ULK4: variants seen among roughly 807,000 people sequenced by gnomAD.
The protein encoded by ULK4 is unc-51 like kinase 4.
ULK4 carries 133 observed loss-of-function variants against 160.6 expected under a neutral mutation model. That is an observed-to-expected ratio of 0.83 (90% CI 0.72 to 0.96). The LOEUF is 0.96. ULK4 is among the 40% of genes least tolerant of loss of function. ULK4 has a pLI of 0.00. For synonymous variants in ULK4, 534 were observed against 539.8 expected (o/e 0.99, Z 0.15); for missense variants, 1,580 against 1,499.5 (o/e 1.05, Z -0.89).
At chr3:41,449,760 GTGTTT>G (rs1388974610) in intron 34 of ULK4, among the ~76,000 whole-genome samples, 1 of 151,672 alleles carries the variant, frequency 6.6e-6, no homozygotes, top group African/African-American at 2.4e-5. Flanking sequence ...TTTCTACATT[GTGTTT>G]TATTTTTAAT....
chr3:41,292,561 T>C (rs1489444118), intron 35 of ULK4, among the ~76,000 whole-genome samples: 1 of 151,314 alleles, frequency 6.6e-6, no homozygotes, highest in East Asian at 2.0e-4. Flanking sequence ...TAGGGAGAAC[T>C]GCTTGAACCC....
intron 35 of ULK4, among the ~76,000 whole-genome samples, chr3:41,325,602 T>C (rs149562680): frequency 0.013 from 1,999 of 152,252 alleles, 32 homozygotes; most frequent in African/African-American, 0.045. Flanking sequence ...AATAAAAGGA[T>C]GGATTTTATT....
At chr3:41,859,824 ATT>A (rs397875093) in intron 17 of ULK4, among the ~76,000 whole-genome samples, 4,835 of 115,824 alleles carry the variant, frequency 0.042, 306 homozygotes, top group African/African-American at 0.16. Context: ...TGCCTGGCTA[ATT>A]TTTTTTTTTT....
At chr3:41,279,275 A>G (rs2079302587) in intron 35 of ULK4, among the ~76,000 whole-genome samples, 1 of 139,008 alleles carries the variant, frequency 7.2e-6, no homozygotes, top group Admixed American at 7.0e-5. Context: ...AAAAAAAAAA[A>G]CAAAACGACA....
intron 35 of ULK4, among the ~76,000 whole-genome samples, chr3:41,359,103 C>T (rs898695120): frequency 3.3e-5 from 5 of 152,184 alleles, no homozygotes; most frequent in Non-Finnish European, 5.9e-5. Flanking sequence ...ACTGAAGAAG[C>T]AGGACTTGCT....
At chr3:41,879,189 C>G (rs1169439644) in intron 17 of ULK4, among the ~76,000 whole-genome samples, 2 of 152,090 alleles carry the variant, frequency 1.3e-5, no homozygotes, top group East Asian at 1.9e-4. Flanking sequence ...CCAAGAAAAT[C>G]TGAACACTAA....
intron 21 of ULK4, among the ~76,000 whole-genome samples, chr3:41,782,108 C>T (rs1210874087): frequency 6.6e-6 from 1 of 151,464 alleles, no homozygotes; most frequent in Admixed American, 6.6e-5. Context: ...CGCCATTATT[C>T]TCACAGTAAC....
intron 34 of ULK4, among the ~76,000 whole-genome samples, chr3:41,449,419 C>T (rs2083376436): frequency 6.6e-6 from 1 of 152,092 alleles, no homozygotes. Flanking sequence ...GTCCAGAAGG[C>T]AGATGGGCGG....
At chr3:41,623,228 A>T (rs1396070351) in intron 30 of ULK4, among the ~76,000 whole-genome samples, 1 of 152,230 alleles carries the variant, frequency 6.6e-6, no homozygotes, top group Non-Finnish European at 1.5e-5. Context: ...AGGGAATTTT[A>T]ACATCTGGCC....
rs184229222 is a variant in ULK4 at position 41,796,891 on chromosome 3, C to T, written c.2010+3241G>A. On this transcript the variant is annotated intron_variant, in intron 20 of 36. Transcript: ENST00000301831. ...GGAAAAGCACAAAAGGAGCCCAGAA[C>T]GGTACGTGGTATCAGGAGTTAAGGA... 2.4e-3 allele frequency among the ~76,000 whole-genome samples: 367 copies of T among 152,156 alleles called. 1 individual carries two copies. Among genetic ancestry groups the T allele is most frequent in the African/African-American group, 7.8e-3 (325 of 41,522 alleles).
At chr3:41,335,953 T>C (rs1440114656) in intron 35 of ULK4, among the ~76,000 whole-genome samples, 3 of 152,178 alleles carry the variant, frequency 2.0e-5, no homozygotes, top group African/African-American at 7.2e-5. Context: ...GGAAAAACTG[T>C]GCCACAGCCA....
At chr3:41,645,674 T>C (rs561278835) in intron 30 of ULK4, among the ~76,000 whole-genome samples, 5 of 151,940 alleles carry the variant, frequency 3.3e-5, no homozygotes, top group Admixed American at 3.3e-4. Flanking sequence ...TTCTGTTGAT[T>C]TGGGGTGGAG....
Position 41,773,421 on chromosome 3 carries a change from CCAA to C in ULK4, c.2193+16237_2193+16239del, listed in dbSNP as rs2039481167. 3.9e-5 allele frequency among the ~76,000 whole-genome samples: 6 copies of C among 152,112 alleles called. No individual in the cohort carries two copies. In the South Asian group the frequency reaches 1.2e-3, roughly 31 times the overall value. ...CAAAAATCACAGGCATTCTTATACA[CCAA>C]CAACAGACAAACAGAGAGCCAAATC... On this transcript the variant is annotated intron_variant, in intron 21 of 36. Coordinates refer to ENST00000301831, the MANE Select transcript of ULK4 (RefSeq NM_017886.4).
In ULK4 at chr3:41,379,475, T is replaced by C. The variant is rs78850455; in HGVS notation, c.3678+18604A>G. On this transcript the variant is annotated intron_variant, in intron 35 of 36. Coordinates refer to ENST00000301831, the MANE Select transcript of ULK4 (RefSeq NM_017886.4). ...ACTTTCAAAACATTTCCTTGAACAA[T>C]GGTGTTGAAAAAGACTAATCCCTGA... Among the ~76,000 whole-genome samples the C allele has an allele frequency of 6.8e-3, 1,031 of 152,252 alleles. 4 individuals are homozygous for C. Among genetic ancestry groups the C allele is most frequent in the African/African-American group, 0.015 (636 of 41,554 alleles).
intron 18 of ULK4, among the ~76,000 whole-genome samples, chr3:41,824,615 G>C (rs189213442): frequency 6.6e-6 from 1 of 152,210 alleles, no homozygotes; most frequent in Non-Finnish European, 1.5e-5. Flanking sequence ...GCGATGCTGG[G>C]GGAGGGGTGC....
chr3:41,844,302 G>A (rs1032549495), intron 17 of ULK4, among the ~76,000 whole-genome samples: 15 of 152,126 alleles, frequency 9.9e-5, no homozygotes, highest in Non-Finnish European at 1.2e-4. Context: ...TGCAGGTCCC[G>A]AGCCCTGCCC....
At chr3:41,439,509 G>A (rs1216951520) in intron 34 of ULK4, among the ~76,000 whole-genome samples, 1 of 152,124 alleles carries the variant, frequency 6.6e-6, no homozygotes, top group African/African-American at 2.4e-5. Flanking sequence ...ATTTTTAACA[G>A]CTTTCTTGAG....
intron 35 of ULK4, among the ~76,000 whole-genome samples, chr3:41,318,296 G>C (rs2080184873): frequency 6.6e-6 from 1 of 152,104 alleles, no homozygotes; most frequent in South Asian, 2.1e-4. Flanking sequence ...TGTAGGACAA[G>C]TTTGGTATTT....
At chr3:41,475,592 T>C (rs963436300) in intron 32 of ULK4, among the ~76,000 whole-genome samples, 5 of 152,102 alleles carry the variant, frequency 3.3e-5, no homozygotes, top group Non-Finnish European at 7.4e-5. Flanking sequence ...TTGTACCCCA[T>C]AAATATACAA....
Sources: allele counts gnomAD v4.1 joint callset (sites outside exome capture counted in the v4.1 genomes callset), GRCh38; gene constraint gnomAD v4.1.1; transcripts MANE v1.5; gene names NCBI Gene and HGNC (gene_info 2026-07-23, HGNC 2026-07-21).